Variants in FSTL4 observed in about 807,000 individuals in gnomAD.
The protein encoded by FSTL4 is follistatin like 4, also known as follistatin-related protein 4.
A neutral mutation model predicts 78.2 loss-of-function variants in FSTL4; 28 were observed. The ratio of observed to expected loss-of-function variants is 0.36; its 90% CI spans 0.27 to 0.49. The LOEUF is 0.49. Among genes scored for constraint, FSTL4 ranks in the 20% least tolerant of loss-of-function variants. FSTL4 has a pLI of 0.98. For synonymous variants in FSTL4, 422 were observed against 440.5 expected, an observed-to-expected ratio of 0.96 and a Z score of 0.53; for missense variants, 922 against 1,084.9, an observed-to-expected ratio of 0.85 and a Z score of 2.11.
At chr5:133,349,005 A>G (rs540151455) in intron 4 of FSTL4, among the ~76,000 whole-genome samples, 1 of 152,086 alleles carries the variant, frequency 6.6e-6, no homozygotes. Flanking sequence ...ACTGCCACTT[A>G]GAGTCCTGAC....
At chr5:133,217,645 C>T (rs1395190151) in intron 12 of FSTL4, among the ~76,000 whole-genome samples, 1 of 152,038 alleles carries the variant, frequency 6.6e-6, no homozygotes, top group Non-Finnish European at 1.5e-5. Flanking sequence ...TATCTTCTCC[C>T]TCTCCTCATC....
At chr5:133,239,106 G>A (rs1341712725) in intron 7 of FSTL4, among the ~76,000 whole-genome samples, 1 of 152,190 alleles carries the variant, frequency 6.6e-6, no homozygotes, top group African/African-American at 2.4e-5. Flanking sequence ...GCAAGCCCCG[G>A]GCAGTGAGGG....
chr5:133,637,951 ATAAT>A, the FSTL4 span, among the ~76,000 whole-genome samples: 1 of 114,906 alleles, frequency 8.7e-6, no homozygotes, highest in South Asian at 2.7e-4. Context: ...AAAAATAATA[ATAAT>A]TAATAATAAT....
At chr5:133,388,380 C>T (rs1363319866) in intron 4 of FSTL4, 2 of 152,202 alleles carry the variant, frequency 1.3e-5, no homozygotes, top group South Asian at 4.1e-4. Context: ...GGTCTTACCA[C>T]CCCAAAATTC....
chr5:133,625,004 T>C, the FSTL4 span, among the ~76,000 whole-genome samples: 3 of 151,782 alleles, frequency 2.0e-5, no homozygotes, highest in Admixed American at 6.6e-5. Context: ...ATTCTTTTTA[T>C]ATTTTGTTGT....
chr5:133,616,680 G>A (rs904757411), upstream of FSTL4, among the ~76,000 whole-genome samples: 1 of 152,130 alleles, frequency 6.6e-6, no homozygotes, highest in African/African-American at 2.4e-5. Flanking sequence ...TGGGATTACA[G>A]GCATGAGCTA....
the FSTL4 span, among the ~76,000 whole-genome samples, chr5:133,657,300 C>T: frequency 1.8e-4 from 28 of 152,250 alleles, no homozygotes; most frequent in African/African-American, 5.3e-4. Context: ...CTTAGAAACA[C>T]GGTGGAGAGC....
chr5:133,481,794 T>G (rs539452422), intron 3 of FSTL4, among the ~76,000 whole-genome samples: 46 of 152,266 alleles, frequency 3.0e-4, no homozygotes, highest in African/African-American at 1.1e-3. Flanking sequence ...CCAATTGACC[T>G]GTCATCAAAA....
intron 1 of FSTL4, among the ~76,000 whole-genome samples, chr5:133,606,931 C>T (rs1225274653): frequency 1.3e-5 from 2 of 152,180 alleles, no homozygotes; most frequent in African/African-American, 2.4e-5. Context: ...TAAGAGGATG[C>T]ACCAAGACTG....
At chr5:133,832,144 G>A in the FSTL4 span, among the ~76,000 whole-genome samples, 1 of 152,228 alleles carries the variant, frequency 6.6e-6, no homozygotes, top group Admixed American at 6.5e-5. Flanking sequence ...GCTGTCTCAG[G>A]AAGCAGTGTC....
chr5:133,284,582 A>G (rs1753085827), intron 6 of FSTL4, among the ~76,000 whole-genome samples: 1 of 150,930 alleles, frequency 6.6e-6, no homozygotes, highest in Non-Finnish European at 1.5e-5. Flanking sequence ...CTGTGCAGAC[A>G]CAGCCCCTGG....
At chr5:133,715,677 T>G in the FSTL4 span, among the ~76,000 whole-genome samples, 1 of 152,180 alleles carries the variant, frequency 6.6e-6, no homozygotes, top group African/African-American at 2.4e-5. Context: ...GACTCTTTAT[T>G]TTTCAGGACT....
chr5:133,495,981 T>C (rs556604493), intron 3 of FSTL4, among the ~76,000 whole-genome samples: 109 of 152,220 alleles, frequency 7.2e-4, no homozygotes, highest in Non-Finnish European at 1.2e-3. Context: ...TTAGGGGTCT[T>C]TGGGGCTCCT....
At chr5:133,402,291 C>T (rs998110904) in intron 3 of FSTL4, among the ~76,000 whole-genome samples, 10 of 152,246 alleles carry the variant, frequency 6.6e-5, no homozygotes, top group Admixed American at 2.0e-4. Flanking sequence ...GGAAAGGGCA[C>T]GTTTAAGTGA....
At chr5:133,320,039 C>G (rs983838612) in intron 4 of FSTL4, among the ~76,000 whole-genome samples, 8 of 152,134 alleles carry the variant, frequency 5.3e-5, no homozygotes, top group Non-Finnish European at 1.2e-4. Context: ...GCTTTTGAGC[C>G]TTCATCTCCA....
At chr5:133,493,849 G>A (rs1758318685) in intron 3 of FSTL4, among the ~76,000 whole-genome samples, 1 of 152,120 alleles carries the variant, frequency 6.6e-6, no homozygotes, top group Non-Finnish European at 1.5e-5. Context: ...AGAATGGAGG[G>A]GTCCAGGGTC....
chr5:133,245,626 G>T (rs1311796875), intron 7 of FSTL4, among the ~76,000 whole-genome samples: 1 of 152,208 alleles, frequency 6.6e-6, no homozygotes, highest in African/African-American at 2.4e-5. Flanking sequence ...TGCGGACAGT[G>T]TCTTTGTTCT....
At chr5:133,519,126 G>T (rs946469886) in intron 3 of FSTL4, among the ~76,000 whole-genome samples, 1 of 152,178 alleles carries the variant, frequency 6.6e-6, no homozygotes, top group African/African-American at 2.4e-5. Context: ...CATGCAAGGA[G>T]GGGGTCCCCT....
chr5:133,323,666 ACAGGGCTGGCCTGGCCAGC>A (rs1179902529), intron 4 of FSTL4, among the ~76,000 whole-genome samples: 1 of 152,184 alleles, frequency 6.6e-6, no homozygotes, highest in Non-Finnish European at 1.5e-5. Flanking sequence ...CCTCCATGCC[ACAGGGCTGGCCTGGCCAGC>A]CCCTGGCCCT....
Sources: gnomAD v4.1 joint callset for allele counts (sites outside exome capture counted in the v4.1 genomes callset) on GRCh38, gnomAD v4.1.1 for gene constraint, MANE v1.5 for transcripts, NCBI Gene and HGNC (gene_info 2026-07-23, HGNC 2026-07-21) for gene names.